SNED1: variants seen among roughly 807,000 people sequenced by gnomAD.
SNED1 encodes the protein sushi, nidogen and EGF like domains 1.
In SNED1, 81 loss-of-function variants were observed where a neutral mutation model predicts 166.7. The observed-to-expected ratio is 0.49, with a 90% CI of 0.41 to 0.58. The LOEUF (loss-of-function observed/expected upper bound fraction) is 0.58, where lower values mean the gene tolerates loss of function less well. Ranked by LOEUF, SNED1 falls within the 20% of genes least tolerant of loss-of-function variation. SNED1 has a pLI of 0.00. For missense variants in SNED1, 1,604 were observed against 2,000.2 expected, an observed-to-expected ratio of 0.80 and a Z score of 3.78; for synonymous variants, 762 against 822.0, an observed-to-expected ratio of 0.93 and a Z score of 1.25.
At chr2:241,031,238 C>T (rs2061159631) in intron 2 of SNED1, among the ~76,000 whole-genome samples, 1 of 152,080 alleles carries the variant, frequency 6.6e-6, no homozygotes, top group Non-Finnish European at 1.5e-5. Context: ...GATCTCAGCT[C>T]ACTGCAACCT....
chr2:241,005,231 A>T (rs909408246), intron 1 of SNED1, among the ~76,000 whole-genome samples: 3 of 151,562 alleles, frequency 2.0e-5, no homozygotes, highest in Non-Finnish European at 4.4e-5. Context: ...ATGGATTCTT[A>T]CTTACTCTGT....
Position 241,064,890 on chromosome 2 carries a change from C to T in SNED1, c.2646C>T (p.Cys882=), listed in dbSNP as rs755954004. The T allele has an allele frequency of 9.5e-6, 15 of 1,585,218 alleles. No individual in the cohort carries two copies. The highest frequency in any genetic ancestry group is 1.4e-5 in the African/African-American group (1 of 72,760). The change falls in exon 20 of 32, where the codon TGC becomes TGT. Residue 882 remains cysteine (C), a synonymous_variant. Transcript: ENST00000310397. The surrounding 1 kb of genome is among the most constrained non-coding windows in gnomAD (Gnocchi z 7.0). ...GCCCCTGTGGGGGCCGTGGCTATTG[C>T]CTGGCCAGCAACGGCTCCCACAGCT... is the stretch of plus-strand genomic sequence containing the variant. ...FSSPCGGRGY[C]LASNGSHSCT...
At chr2:241,086,908 G>A (rs1413239122) in intron 29 of SNED1, among the ~76,000 whole-genome samples, 1 of 152,246 alleles carries the variant, frequency 6.6e-6, no homozygotes, top group Non-Finnish European at 1.5e-5. Flanking sequence ...CTTGCTCAAA[G>A]TAGCCTGGTT....
chr2:241,078,042 C>T (rs75373918), intron 27 of SNED1, among the ~76,000 whole-genome samples: 1 of 152,144 alleles, frequency 6.6e-6, no homozygotes, highest in Non-Finnish European at 1.5e-5. Context: ...TATAGCAGCA[C>T]AGCACAAAAG....
At chr2:241,058,950 A>C (rs1377286434) in intron 16 of SNED1, among the ~76,000 whole-genome samples, 1 of 140,688 alleles carries the variant, frequency 7.1e-6, no homozygotes, top group African/African-American at 2.8e-5. Flanking sequence ...ACTCTGTTTC[A>C]AAAAAAAAAA....
rs2125255057 is a variant in SNED1 at position 241,073,516 on chromosome 2, G to A, written c.3916+152G>A. The A allele has an allele frequency of 1.4e-6, 1 of 693,860 alleles. No homozygotes were observed. The highest frequency in any genetic ancestry group is 2.7e-5 in the East Asian group (1 of 36,764). 43.0% of individuals were successfully genotyped at this position (693,860 alleles called of 1,614,324 possible). On this transcript the variant is annotated intron_variant, in intron 27 of 31. Transcript: ENST00000310397. This position sits in a 1 kb window ranked among gnomAD's most constrained non-coding sequence, Gnocchi z 6.6. Reference sequence around the variant, plus strand: ...CTGAGCACCAGGCACCCCGGTGTGGGAAGATGGGGTGAAGCTACACCACCC... The same window carrying A: ...CTGAGCACCAGGCACCCCGGTGTGGAAAGATGGGGTGAAGCTACACCACCC...
intron 27 of SNED1, among the ~76,000 whole-genome samples, chr2:241,079,395 G>A (rs926723197): frequency 6.0e-5 from 9 of 148,906 alleles, no homozygotes; most frequent in African/African-American, 2.2e-4. Flanking sequence ...CTGGGCGACA[G>A]AGTGAGACTC....
Position 241,062,776 on chromosome 2 carries a change from GC to G in SNED1, c.2258-14del. ...CGTGGCCACATTGCTTTATTCTTGG[GC>G]TCTCTCCTCTCAGAAATCGATGAGT... On this transcript the variant is annotated splice_polypyrimidine_tract_variant and intron_variant, in intron 16 of 31. Coordinates refer to ENST00000310397, the MANE Select transcript of SNED1 (RefSeq NM_001080437.3). The G allele has an allele frequency of 2.5e-6, 4 of 1,580,970 alleles. No homozygotes were observed. Among genetic ancestry groups the G allele is most frequent in the Non-Finnish European group, 3.5e-6 (4 of 1,156,278 alleles).
chr2:241,004,129 A>G (rs1574834556), intron 1 of SNED1, among the ~76,000 whole-genome samples: 1 of 152,238 alleles, frequency 6.6e-6, no homozygotes, highest in Admixed American at 6.5e-5. Flanking sequence ...CCCACATCCC[A>G]CCAGGGGAGC....
intron 1 of SNED1, chr2:241,015,739 T>G (rs1574874027): frequency 5.8e-6 from 1 of 173,034 alleles, no homozygotes; most frequent in African/African-American, 2.4e-5. Flanking sequence ...AATCGTCTCA[T>G]AGCGGTGGTG....
chr2:241,081,140 C>G (rs1490386977), intron 27 of SNED1, among the ~76,000 whole-genome samples: 1 of 152,254 alleles, frequency 6.6e-6, no homozygotes, highest in Non-Finnish European at 1.5e-5. Flanking sequence ...ACACGCATCC[C>G]TGGGCAGCAG....
intron 16 of SNED1, among the ~76,000 whole-genome samples, chr2:241,057,380 A>AATATATATATATATATATATAT (rs57902432): frequency 5.7e-4 from 67 of 118,082 alleles, no homozygotes; most frequent in East Asian, 2.9e-3. Context: ...TCCATCTCAA[A>AATATATATATATATATATATAT]ATATATATAT....
chr2:241,042,041 T>G (rs973925648), intron 8 of SNED1, among the ~76,000 whole-genome samples: 1 of 152,122 alleles, frequency 6.6e-6, no homozygotes, highest in African/African-American at 2.4e-5. Flanking sequence ...TGGGGCAGTT[T>G]CCACTCCACT....
chr2:241,074,661 A>G (rs1408421761), intron 27 of SNED1: 1 of 152,168 alleles, frequency 6.6e-6, no homozygotes, highest in Non-Finnish European at 1.5e-5. Context: ...TGGGTGCAAA[A>G]TGATTTTAAG....
intron 1 of SNED1, among the ~76,000 whole-genome samples, chr2:241,021,903 G>C (rs868478953): frequency 6.6e-6 from 1 of 152,124 alleles, no homozygotes; most frequent in Admixed American, 6.5e-5. Flanking sequence ...ATGTATGAGG[G>C]TTCCAATTTC....
At chr2:241,080,839 G>A (rs555822787) in intron 27 of SNED1, among the ~76,000 whole-genome samples, 4 of 152,252 alleles carry the variant, frequency 2.6e-5, no homozygotes, top group Non-Finnish European at 4.4e-5. Flanking sequence ...TCACGCTGCC[G>A]TGCCTGTGTG....
rs182519774 is a variant in SNED1, at chr2:241,000,915, G to A, written c.213+1865G>A. 1.3e-3 allele frequency among the ~76,000 whole-genome samples: 200 copies of A among 152,334 alleles called. 1 individual carries two copies. The highest frequency in any genetic ancestry group is 2.3e-3 in the Non-Finnish European group (157 of 68,030). On this transcript the variant is annotated intron_variant, in intron 1 of 31. Transcript: ENST00000310397. Reference sequence around the variant, plus strand: ...GACACCTTGCCTGAAGTAACTGTGCGGACTCTGTGGTCAAGCAGGGAGAGA... The same window carrying A: ...GACACCTTGCCTGAAGTAACTGTGCAGACTCTGTGGTCAAGCAGGGAGAGA...
chr2:241,089,202 A>G (rs2063750348), intron 31 of SNED1: 1 of 1,237,158 alleles, frequency 8.1e-7, no homozygotes, highest in East Asian at 2.6e-5. Context: ...ATTTTTTATC[A>G]ACATGTCACT....
upstream of SNED1, among the ~76,000 whole-genome samples, chr2:240,997,721 G>T: frequency 6.6e-6 from 1 of 152,154 alleles, no homozygotes; most frequent in East Asian, 1.9e-4. Flanking sequence ...TATCTTTGGG[G>T]GCCCCAGTGT....
Sources: gnomAD v4.1 joint callset for allele counts (sites outside exome capture counted in the v4.1 genomes callset) on GRCh38, gnomAD v4.1.1 for gene constraint, Gnocchi (gnomAD v3.1) non-coding constraint, MANE v1.5 for transcripts, NCBI Gene and HGNC (gene_info 2026-07-23, HGNC 2026-07-21) for gene names.